NRG1: variants seen among roughly 807,000 people sequenced by gnomAD.
NRG1 encodes neuregulin 1, also known as pro-neuregulin-1, membrane-bound isoform.
In NRG1, 18 loss-of-function variants were observed where a neutral mutation model predicts 63.8. The observed-to-expected ratio is 0.28, with a 90% CI of 0.19 to 0.42. NRG1 has a LOEUF of 0.42. NRG1 is among the 10% of genes least tolerant of loss of function. The pLI is 1.00. For missense variants in NRG1, 762 were observed against 814.7 expected (o/e 0.94, Z 0.79); for synonymous variants, 302 against 301.3 (o/e 1.00, Z -0.02).
At chr8:31,830,713 G>A (rs1291539468) in intron 1 of NRG1, among the ~76,000 whole-genome samples, 4 of 151,854 alleles carry the variant, frequency 2.6e-5, no homozygotes, top group Non-Finnish European at 5.9e-5. Context: ...AATCCAACAG[G>A]GATTATACCT....
At chr8:32,072,200 G>A (rs1216354820) in intron 1 of NRG1, among the ~76,000 whole-genome samples, 1 of 146,214 alleles carries the variant, frequency 6.8e-6, no homozygotes, top group Non-Finnish European at 1.5e-5. Context: ...GCACTTTTCA[G>A]TATAGAATTG....
chr8:32,624,986 A>C (rs1848970552), intron 5 of NRG1, among the ~76,000 whole-genome samples: 1 of 152,172 alleles, frequency 6.6e-6, no homozygotes, highest in Non-Finnish European at 1.5e-5. Flanking sequence ...ATTCCATATA[A>C]TATTGTATAG....
intron 1 of NRG1, among the ~76,000 whole-genome samples, chr8:32,401,697 A>G (rs150189734): frequency 0.012 from 1,886 of 152,220 alleles, 18 homozygotes; most frequent in Middle Eastern, 0.027. Flanking sequence ...AAACACATGG[A>G]CACAAAGAGA....
intron 1 of NRG1, among the ~76,000 whole-genome samples, chr8:32,427,094 A>C (rs1398479272): frequency 6.6e-6 from 1 of 151,856 alleles, no homozygotes; most frequent in African/African-American, 2.4e-5. Flanking sequence ...ATAGAGTCTT[A>C]GGTCATTTTA....
At chr8:31,882,783 T>C (rs1830450884) in intron 1 of NRG1, among the ~76,000 whole-genome samples, 1 of 151,976 alleles carries the variant, frequency 6.6e-6, no homozygotes, top group Non-Finnish European at 1.5e-5. Flanking sequence ...AGCAAGAAAA[T>C]TAGAATTAGA....
intron 1 of NRG1, among the ~76,000 whole-genome samples, chr8:32,470,957 G>A (rs1257571631): frequency 6.6e-6 from 1 of 152,064 alleles, no homozygotes; most frequent in African/African-American, 2.4e-5. Context: ...GCCATCATGC[G>A]TGGCTAATTT....
At chr8:32,329,901 T>C (rs933659071) in intron 1 of NRG1, among the ~76,000 whole-genome samples, 3 of 150,710 alleles carry the variant, frequency 2.0e-5, no homozygotes. Flanking sequence ...AGATAGGGGG[T>C]CTCATTCTGT....
intron 1 of NRG1, among the ~76,000 whole-genome samples, chr8:32,245,833 G>A (rs957267166): frequency 7.9e-5 from 12 of 152,062 alleles, no homozygotes; most frequent in Non-Finnish European, 1.6e-4. Context: ...TTGAGGCTAG[G>A]AAGCTATATC....
intron 1 of NRG1, among the ~76,000 whole-genome samples, chr8:31,726,644 C>A (rs1337049480): frequency 6.6e-6 from 1 of 151,954 alleles, no homozygotes; most frequent in African/African-American, 2.4e-5. Context: ...GTACCAATAC[C>A]AGTGGGGGAG....
At chr8:32,040,632 T>C (rs1444115785) in intron 1 of NRG1, among the ~76,000 whole-genome samples, 2 of 148,346 alleles carry the variant, frequency 1.3e-5, no homozygotes, top group Non-Finnish European at 3.0e-5. Context: ...TATACACGTA[T>C]GTATGTATAT....
intron 1 of NRG1, among the ~76,000 whole-genome samples, chr8:32,373,410 T>C (rs1444751115): frequency 6.6e-6 from 1 of 152,216 alleles, no homozygotes; most frequent in East Asian, 1.9e-4. Flanking sequence ...CTCTTATAAA[T>C]GTATCTTTAA....
intron 1 of NRG1, among the ~76,000 whole-genome samples, chr8:32,011,590 C>A (rs1814769236): frequency 6.6e-6 from 1 of 152,088 alleles, no homozygotes; most frequent in African/African-American, 2.4e-5. Context: ...TTGTACCTTG[C>A]AATCAAAATG....
intron 1 of NRG1, among the ~76,000 whole-genome samples, chr8:32,484,468 A>G (rs905606174): frequency 1.3e-5 from 2 of 152,246 alleles, no homozygotes; most frequent in East Asian, 1.9e-4. Flanking sequence ...AGAAGTTGAC[A>G]TGGGCTTTGA....
At chr8:31,896,730 A>G (rs1161355961) in intron 1 of NRG1, among the ~76,000 whole-genome samples, 1 of 152,198 alleles carries the variant, frequency 6.6e-6, no homozygotes, top group East Asian at 1.9e-4. Flanking sequence ...AAGAAGTATT[A>G]TTCTACTTAT....
chr8:32,156,705 A>C (rs1456260221), intron 1 of NRG1, among the ~76,000 whole-genome samples: 1 of 152,250 alleles, frequency 6.6e-6, no homozygotes, highest in Non-Finnish European at 1.5e-5. Flanking sequence ...TAGGAAGTTC[A>C]GAATTCTTTT....
chr8:32,153,025 G>C (rs1694086839), intron 1 of NRG1, among the ~76,000 whole-genome samples: 1 of 152,190 alleles, frequency 6.6e-6, no homozygotes, highest in Non-Finnish European at 1.5e-5. Context: ...TAATAGGACA[G>C]GGGATTTTTC....
intron 1 of NRG1, among the ~76,000 whole-genome samples, chr8:32,315,236 C>T (rs1857247963): frequency 6.6e-6 from 1 of 152,208 alleles, no homozygotes; most frequent in African/African-American, 2.4e-5. Flanking sequence ...TGCTCTCCCT[C>T]TGCCCACCCC....
chr8:32,651,237 A>G (rs548850706), intron 5 of NRG1, among the ~76,000 whole-genome samples: 1 of 152,278 alleles, frequency 6.6e-6, no homozygotes, highest in Non-Finnish European at 1.5e-5. Flanking sequence ...TCATGATATT[A>G]ATCTATGCAT....
At chr8:32,489,915 C>A (rs139620322) in intron 1 of NRG1, among the ~76,000 whole-genome samples, 1 of 152,312 alleles carries the variant, frequency 6.6e-6, no homozygotes, top group Non-Finnish European at 1.5e-5. Context: ...ACTTTGGATG[C>A]TCTCAATACA....
Sources: gnomAD v4.1 joint callset for allele counts (sites outside exome capture counted in the v4.1 genomes callset) on GRCh38, gnomAD v4.1.1 for gene constraint, MANE v1.5 for transcripts, NCBI Gene and HGNC (gene_info 2026-07-23, HGNC 2026-07-21) for gene names.